The following CCDC172 variants were observed in gnomAD, a reference collection of about 807,000 sequenced individuals.
The protein encoded by CCDC172 is coiled-coil domain-containing protein 172.
In CCDC172, 30 loss-of-function variants were observed where a neutral mutation model predicts 38.0. The observed-to-expected ratio is 0.79, with a 90% confidence interval of 0.59 to 1.07. The LOEUF (loss-of-function observed/expected upper bound fraction) is 1.07. Among genes scored for constraint, CCDC172 ranks in the 50% least tolerant of loss-of-function variants. CCDC172 has a pLI of 0.00. For missense variants in CCDC172, 297 were observed against 290.1 expected, an observed-to-expected ratio of 1.02 and a Z score of -0.17; for synonymous variants, 78 against 88.3, an observed-to-expected ratio of 0.88 and a Z score of 0.66.
chr10:116,335,533 A>T (rs1267370375), intron 3 of CCDC172, among the ~76,000 whole-genome samples: 1 of 151,794 alleles, frequency 6.6e-6, no homozygotes, highest in Non-Finnish European at 1.5e-5. Flanking sequence ...AACCAAAATC[A>T]TTGGGGTTTT....
intron 7 of CCDC172, among the ~76,000 whole-genome samples, chr10:116,369,731 G>A (rs1019331469): frequency 6.6e-6 from 1 of 152,010 alleles, no homozygotes; most frequent in African/African-American, 2.4e-5. Flanking sequence ...TGGATATGGA[G>A]TGGCAGTGTC....
chr10:116,340,957 T>C (rs565945625), intron 4 of CCDC172, 107 bp downstream of exon 4: 5 of 730,892 alleles, frequency 6.8e-6, no homozygotes, highest in South Asian at 4.6e-5. Context: ...TATTAGCAGG[T>C]AGTACTGCTC....
intron 1 of CCDC172, 50 bp from the exon 2 acceptor site, chr10:116,324,897 T>G: frequency 1.2e-6 from 1 of 828,318 alleles, no homozygotes; most frequent in Non-Finnish European, 2.0e-6. Flanking sequence ...GAGACAGGTC[T>G]ATCTGGGAAT....
intron 7 of CCDC172, among the ~76,000 whole-genome samples, chr10:116,360,380 G>A (rs1019802637): frequency 6.6e-6 from 1 of 152,048 alleles, no homozygotes; most frequent in African/African-American, 2.4e-5. Context: ...GGCACATAGT[G>A]TTCAATAAAT....
chr10:116,325,839 G>A (rs957498837), intron 3 of CCDC172, among the ~76,000 whole-genome samples: 1 of 152,190 alleles, frequency 6.6e-6, no homozygotes, highest in Non-Finnish European at 1.5e-5. Context: ...TGCGTCCGAA[G>A]TATACCTTTT....
chr10:116,332,532 C>G (rs1844676909), intron 3 of CCDC172, among the ~76,000 whole-genome samples: 1 of 152,056 alleles, frequency 6.6e-6, no homozygotes, highest in African/African-American at 2.4e-5. Flanking sequence ...CTTGTCTGTA[C>G]AGAATTATTG....
At chr10:116,378,037 T>C (rs1347852313) in intron 7 of CCDC172, among the ~76,000 whole-genome samples, 8 of 151,898 alleles carry the variant, frequency 5.3e-5, no homozygotes, top group Admixed American at 5.3e-4. Context: ...AAAAATTAGC[T>C]GAGTGTGGTG....
At chr10:116,355,125 C>T (rs554540391) in intron 5 of CCDC172, among the ~76,000 whole-genome samples, 8 of 152,240 alleles carry the variant, frequency 5.3e-5, no homozygotes, top group African/African-American at 1.9e-4. Flanking sequence ...GAGCAGTGTA[C>T]GGTAATGTCG....
intron 3 of CCDC172, among the ~76,000 whole-genome samples, chr10:116,330,387 A>G (rs1254292067): frequency 2.0e-5 from 3 of 152,234 alleles, no homozygotes; most frequent in South Asian, 4.1e-4. Context: ...TATGAAATAT[A>G]TCAACATTTG....
At position 116,352,120 on chromosome 10, in the gene CCDC172, G is replaced by T. The variant is rs143383416; in HGVS notation, c.449-5260G>T. On this transcript the variant is annotated intron_variant, in intron 5 of 8. Coordinates refer to ENST00000333254, the MANE Select transcript of CCDC172 (RefSeq NM_198515.3). ...ATTCATGTTCCATCTTGTCACAATA[G>T]AAATATTTCATTAAACAGAAGAGTT... 6.6e-3 allele frequency among the ~76,000 whole-genome samples: 1,008 copies of T among 152,210 alleles called. 9 individuals are homozygous for T. Among genetic ancestry groups the T allele is most frequent in the Non-Finnish European group, 0.011 (734 of 68,004 alleles).
intron 7 of CCDC172, among the ~76,000 whole-genome samples, 196 bp from the exon 8 acceptor site, chr10:116,378,227 C>T (rs371009620): frequency 6.6e-6 from 1 of 152,044 alleles, no homozygotes. Flanking sequence ...AGTCAGTCTA[C>T]CTTAATTTCT....
At chr10:116,340,318 T>C (rs1286873421) in intron 3 of CCDC172, among the ~76,000 whole-genome samples, 6 of 151,918 alleles carry the variant, frequency 3.9e-5, no homozygotes, top group Non-Finnish European at 7.4e-5. Context: ...ATTTTATTAG[T>C]TATATTATGT....
chr10:116,345,458 A>G (rs1844854030), intron 5 of CCDC172, among the ~76,000 whole-genome samples: 1 of 152,216 alleles, frequency 6.6e-6, no homozygotes, highest in Non-Finnish European at 1.5e-5. Flanking sequence ...GGACACAAGA[A>G]TCATGAACCG....
chr10:116,345,507 CTT>C (rs1301740559), intron 5 of CCDC172, among the ~76,000 whole-genome samples: 1 of 152,094 alleles, frequency 6.6e-6, no homozygotes, highest in African/African-American at 2.4e-5. Context: ...TGAAAAGACA[CTT>C]AAGAAAATTA....
intron 7 of CCDC172, among the ~76,000 whole-genome samples, chr10:116,373,650 G>C (rs1164843956): frequency 6.6e-6 from 1 of 151,944 alleles, no homozygotes; most frequent in Admixed American, 6.6e-5. Context: ...GATTACAGGC[G>C]TGTGCCACCA....
chr10:116,325,278 T>A, intron 2 of CCDC172, 25 bp from the exon 3 acceptor site: 1 of 1,599,408 alleles, frequency 6.3e-7, no homozygotes, highest in Non-Finnish European at 8.6e-7. Context: ...GATTGATGTG[T>A]TTAAAGATTT....
chr10:116,329,277 G>T (rs1048558514), intron 3 of CCDC172, among the ~76,000 whole-genome samples: 1 of 152,136 alleles, frequency 6.6e-6, no homozygotes, highest in African/African-American at 2.4e-5. Context: ...ATTAGACATT[G>T]TCCAGTAGCT....
intron 5 of CCDC172, among the ~76,000 whole-genome samples, chr10:116,351,572 G>A (rs1844930788): frequency 6.6e-6 from 1 of 152,170 alleles, no homozygotes; most frequent in African/African-American, 2.4e-5. Context: ...GTGGAAGAGA[G>A]ACAAGTAAAA....
At chr10:116,373,259 A>G (rs1408492659) in intron 7 of CCDC172, among the ~76,000 whole-genome samples, 1 of 152,108 alleles carries the variant, frequency 6.6e-6, no homozygotes, top group Non-Finnish European at 1.5e-5. Flanking sequence ...AAATAAATAA[A>G]TAAATGAAAG....
Sources: allele counts gnomAD v4.1 joint callset (sites outside exome capture counted in the v4.1 genomes callset), GRCh38; gene constraint gnomAD v4.1.1; transcripts MANE v1.5; gene names NCBI Gene and HGNC (gene_info 2026-07-23, HGNC 2026-07-21).